NF1: variants seen among roughly 807,000 people sequenced by gnomAD.
NF1 encodes neurofibromin 1.
NF1 carries 122 observed loss-of-function variants against 325.7 expected under a neutral mutation model. That is an observed-to-expected ratio of 0.37 (90% CI 0.32 to 0.44). The LOEUF (loss-of-function observed/expected upper bound fraction) is 0.44. Among genes scored for constraint, NF1 ranks in the 20% least tolerant of loss-of-function variants. The pLI, the probability that NF1 is intolerant of heterozygous loss-of-function variation, is 1.00. For missense variants in NF1, 2,140 were observed against 3,415.4 expected, an observed-to-expected ratio of 0.63 and a Z score of 9.31; for synonymous variants, 1,091 against 1,186.0, an observed-to-expected ratio of 0.92 and a Z score of 1.65.
chr17:31,101,916 G>A (rs143676236), intron 1 of NF1, among the ~76,000 whole-genome samples: 10 of 152,134 alleles, frequency 6.6e-5, no homozygotes, highest in South Asian at 4.2e-4. Context: ...AGCAAAGAAC[G>A]CTATTTGAAT....
At chr17:31,358,943 T>C in intron 55 of NF1, 26 bp from the exon 56 acceptor site, 4 of 1,606,044 alleles carry the variant, frequency 2.5e-6, no homozygotes, top group Non-Finnish European at 3.4e-6. Flanking sequence ...TTGCTTGTTA[T>C]AAGAGTAAAA....
intron 36 of NF1, among the ~76,000 whole-genome samples, chr17:31,312,372 G>A (rs540339593): frequency 9.2e-5 from 14 of 152,040 alleles, no homozygotes; most frequent in African/African-American, 2.7e-4. Flanking sequence ...TTAGCCAGGC[G>A]TGGTGGTGGG....
chr17:31,185,392 A>G (rs73273568), intron 8 of NF1, among the ~76,000 whole-genome samples: 3 of 152,200 alleles, frequency 2.0e-5, no homozygotes, highest in Admixed American at 1.3e-4. Flanking sequence ...GGTCTATTAC[A>G]TTAATGATAT....
intron 36 of NF1, among the ~76,000 whole-genome samples, chr17:31,319,436 A>G (rs562767178): frequency 2.1e-4 from 32 of 152,132 alleles, no homozygotes; most frequent in Middle Eastern, 3.4e-3. Context: ...CCTGTCACCA[A>G]TCTTTACAGA....
intron 1 of NF1, among the ~76,000 whole-genome samples, chr17:31,126,008 A>C (rs1914852087): frequency 6.6e-6 from 1 of 152,116 alleles, no homozygotes; most frequent in African/African-American, 2.4e-5. Context: ...AACGTGGTAA[A>C]ACCCGGTCTC....
At chr17:31,304,616 A>C in intron 36 of NF1, 1 of 1,614,188 alleles carries the variant, frequency 6.2e-7, no homozygotes, top group Non-Finnish European at 8.5e-7. Context: ...TCATCTGAAG[A>C]AGAAACAGCA....
chr17:31,253,670 A>T (rs1418194646), intron 31 of NF1: 1 of 152,246 alleles, frequency 6.6e-6, no homozygotes, highest in East Asian at 1.9e-4. Flanking sequence ...TAATGTGAAT[A>T]TACTATCTGC....
chr17:31,157,890 C>T (rs184239461), intron 2 of NF1, among the ~76,000 whole-genome samples: 4 of 151,814 alleles, frequency 2.6e-5, no homozygotes, highest in East Asian at 3.9e-4. Flanking sequence ...GGCGTGAACC[C>T]GGGAGGCGGA....
At chr17:31,244,066 G>C (rs1220027538) in intron 29 of NF1, among the ~76,000 whole-genome samples, 1 of 152,064 alleles carries the variant, frequency 6.6e-6, no homozygotes, top group Admixed American at 6.5e-5. Context: ...TTCCTTTTAA[G>C]ACAGCAGATT....
rs1060500328 is a variant in NF1, at chr17:31,327,695, A to C, written c.5465A>C (p.Gln1822Pro). The change falls in exon 38 of 58, where the codon CAG (glutamine) becomes CCG (proline). Residue 1822 changes from glutamine (Q) to proline (P), a missense_variant. By Grantham distance (76) the Gln-to-Pro change is moderately conservative. Around this residue, in one of 10 missense-constraint regions of NF1, gnomAD observed 147 missense variants for 186.7 expected, o/e 0.79. Coordinates refer to ENST00000358273, the MANE Select transcript of NF1 (RefSeq NM_001042492.3). ...FMHQECEAIVQSIIHIRTRWE... is the reference protein window; with the variant it reads ...FMHQECEAIVPSIIHIRTRWE... ...CACCAGGAGTGTGAAGCCATTGTCCAGTCTATCATTCATATCCGGACCCGC... is the reference window on the plus strand; with the variant it reads ...CACCAGGAGTGTGAAGCCATTGTCCCGTCTATCATTCATATCCGGACCCGC... 19 of 1,614,186 alleles carry C rather than the reference A, an allele frequency of 1.2e-5. No homozygotes were observed. Among genetic ancestry groups the C allele is most frequent in the Non-Finnish European group, 1.6e-5 (19 of 1,180,030 alleles).
Position 31,201,446 on chromosome 17 carries a change from C to G in NF1, c.1221C>G (p.His407Gln), listed in dbSNP as rs1439320467. 1 of 1,612,412 alleles carries G rather than the reference C, an allele frequency of 6.2e-7. No homozygotes were observed. Among genetic ancestry groups the G allele is most frequent in the African/African-American group, 1.3e-5 (1 of 74,786 alleles). The change falls in exon 11 of 58, where the codon CAC (histidine) becomes CAG (glutamine). Residue 407 changes from histidine (H) to glutamine (Q), a missense_variant. This residue lies in a region of NF1 where 179 missense variants were observed against 381.0 expected (regional missense o/e 0.47). Transcript: ENST00000358273. Reference protein sequence around the residue: ...CLAQNSPSTFHYVLVNSLHRI... With the variant: ...CLAQNSPSTFQYVLVNSLHRI... ...CTCAGAATTCACCTTCTACATTTCA[C>G]TATGTGCTGGTAAATTCACTCCATC...
At chr17:31,234,524 A>C (rs2151436824) in intron 27 of NF1, among the ~76,000 whole-genome samples, 1 of 151,872 alleles carries the variant, frequency 6.6e-6, no homozygotes, top group African/African-American at 2.4e-5. Flanking sequence ...AAATACAAAA[A>C]AATCAGCTGG....
chr17:31,108,262 G>GT lies in NF1; in HGVS notation c.60+12921dup, dbSNP rs56180844. ...AAAGTTTCCAACATAAAAGTAGAGA[G>GT]TTTTTTTTTTTTTTTTTTTTTTTTT... On this transcript the variant is annotated intron_variant, in intron 1 of 57. Coordinates refer to ENST00000358273, the MANE Select transcript of NF1 (RefSeq NM_001042492.3). 2.5e-3 allele frequency among the ~76,000 whole-genome samples: 206 copies of GT among 82,530 alleles called. 16 individuals are homozygous for GT. Among genetic ancestry groups the GT allele is most frequent in the Middle Eastern group, 7.5e-3 (1 of 134 alleles). The allele number at this position is 82,530 out of a possible 152,430, so 54.1% of individuals were successfully genotyped here.
chr17:31,236,449 T>A (rs887787472), intron 29 of NF1, among the ~76,000 whole-genome samples: 12 of 152,208 alleles, frequency 7.9e-5, no homozygotes, highest in African/African-American at 1.2e-4. Flanking sequence ...GTCATTTTTT[T>A]AAAAATTTGA....
rs2151466192 is a variant in NF1 at position 31,261,715 on chromosome 17, C to G, written c.4582C>G (p.His1528Asp). 6.2e-7 allele frequency: 1 copy of G among 1,612,026 alleles called. No homozygotes were observed. Among genetic ancestry groups the G allele is most frequent in the Non-Finnish European group, 8.5e-7 (1 of 1,179,914 alleles). The change falls in exon 35 of 58, where the codon CAT becomes GAT. Residue 1528 changes from histidine to aspartate, a missense_variant. By Grantham distance (81) the His-to-Asp change is moderately conservative. Transcript: ENST00000358273. ...IGQYLSSNRD[H>D]KAVGRRPFDK... ...TAAGTAGTTTGCTGTATCTAGGGAT[C>G]ATAAAGCTGTTGGAAGACGACCTTT... is the stretch of plus-strand genomic sequence containing the variant.
At chr17:31,310,643 T>A (rs1364919614) in intron 36 of NF1, among the ~76,000 whole-genome samples, 1 of 152,122 alleles carries the variant, frequency 6.6e-6, no homozygotes, top group Non-Finnish European at 1.5e-5. Context: ...CTCCCTTTTT[T>A]TTTCCCTGAC....
At chr17:31,203,870 A>G (rs1378152928) in intron 11 of NF1, among the ~76,000 whole-genome samples, 1 of 152,098 alleles carries the variant, frequency 6.6e-6, no homozygotes, top group African/African-American at 2.4e-5. Flanking sequence ...TTGGAGTTCT[A>G]CTTTTGTGAA....
chr17:31,309,088 T>C (rs986037160), intron 36 of NF1, among the ~76,000 whole-genome samples: 2 of 152,180 alleles, frequency 1.3e-5, no homozygotes, highest in Admixed American at 6.6e-5. Flanking sequence ...AGAGACAGTG[T>C]CAAATGAGTT....
At chr17:31,181,857 C>T (rs2066143715) in intron 7 of NF1, 72 bp downstream of exon 7, 9 of 1,067,264 alleles carry the variant, frequency 8.4e-6, no homozygotes, top group Admixed American at 1.9e-5. Flanking sequence ...AACCTATCAT[C>T]GTTTTCCAAG....
Sources: allele counts gnomAD v4.1 joint callset (sites outside exome capture counted in the v4.1 genomes callset), GRCh38; gene constraint gnomAD v4.1.1; regional missense constraint gnomAD v4.1.1; transcripts MANE v1.5; gene names NCBI Gene and HGNC (gene_info 2026-07-23, HGNC 2026-07-21).